Variants in DNAH11 observed in about 807,000 individuals in gnomAD.
DNAH11 encodes dynein axonemal heavy chain 11.
A neutral mutation model predicts 526.0 loss-of-function variants in DNAH11; 442 were observed. The observed-to-expected ratio is 0.84, with a 90% CI of 0.78 to 0.91. DNAH11 has a LOEUF of 0.91. Among genes scored for constraint, DNAH11 ranks in the 40% least tolerant of loss-of-function variants. The pLI is 0.00. For missense variants in DNAH11, 6,989 were observed against 5,448.7 expected (o/e 1.28, Z -8.90); for synonymous variants, 2,461 against 1,935.9 (o/e 1.27, Z -7.12).
chr7:21,698,431 CA>C (rs1452608350), intron 36 of DNAH11, among the ~76,000 whole-genome samples: 1 of 152,078 alleles, frequency 6.6e-6, no homozygotes, highest in East Asian at 1.9e-4. Context: ...GAGGAGTGTA[CA>C]CAGTACCCAG....
intron 56 of DNAH11, among the ~76,000 whole-genome samples, chr7:21,775,748 C>G (rs1173239393): frequency 1.3e-5 from 2 of 152,092 alleles, no homozygotes; most frequent in African/African-American, 4.8e-5. Context: ...AAATCAAGAC[C>G]CCTTTCCATA....
chr7:21,647,427 C>CTTTTT (rs71026810), intron 28 of DNAH11, among the ~76,000 whole-genome samples: 43 of 121,202 alleles, frequency 3.5e-4, no homozygotes, highest in African/African-American at 4.9e-4. Context: ...TTCTTTCTTT[C>CTTTTT]TTTTTTTTTT....
At chr7:21,701,139 C>T (rs1322245559) in intron 36 of DNAH11, among the ~76,000 whole-genome samples, 2 of 152,008 alleles carry the variant, frequency 1.3e-5, no homozygotes, top group African/African-American at 4.8e-5. Flanking sequence ...GGTTCTTTCC[C>T]CTCCCTTTCC....
rs77943705 is a variant in DNAH11 at position 21,637,502 on chromosome 7, G to T, written c.4726-109G>T. 2.1e-4 allele frequency: 164 copies of T among 768,402 alleles called. No homozygotes were observed. The African/African-American group carries it at 2.5e-3, about 12-fold the overall frequency. The allele number at this position is 768,402 out of a possible 1,614,324, so 47.6% of individuals were successfully genotyped here. A position where few individuals can be genotyped will look rare whatever the true frequency, so the allele number is the denominator to read the frequency against. Reference sequence around the variant, plus strand: ...GTCAGACATTCTTAGAAGTATCTTTGACCTTGCCTCTTCATTCTTTGTTCT... The same window carrying T: ...GTCAGACATTCTTAGAAGTATCTTTTACCTTGCCTCTTCATTCTTTGTTCT... On this transcript the variant is annotated intron_variant, in intron 26 of 81. Transcript: ENST00000409508.
At chr7:21,697,937 T>C (rs1037913368) in intron 35 of DNAH11, 138 bp from the exon 36 acceptor site, 29 of 855,996 alleles carry the variant, frequency 3.4e-5, no homozygotes, top group Admixed American at 9.7e-5. Flanking sequence ...AAGGGTCTTA[T>C]TAGCTGTGAT....
chr7:21,702,355 A>G lies in DNAH11; in HGVS notation c.6181-355A>G, dbSNP rs117253835. 2.4e-4 allele frequency among the ~76,000 whole-genome samples: 37 copies of G among 152,196 alleles called. No individual in the cohort carries two copies. In the East Asian group the frequency reaches 7.2e-3, roughly 29 times the overall value. On this transcript the variant is annotated intron_variant, in intron 36 of 81. Coordinates refer to ENST00000409508, the MANE Select transcript of DNAH11 (RefSeq NM_001277115.2). ...TTGATGAAACCAGCACAGGTGGAGAAATGTGCTTCTGGTTGGAGGTGAAAA... is the reference window on the plus strand; with the variant it reads ...TTGATGAAACCAGCACAGGTGGAGAGATGTGCTTCTGGTTGGAGGTGAAAA...
intron 25 of DNAH11, among the ~76,000 whole-genome samples, chr7:21,620,572 T>G (rs1785999791): frequency 6.6e-6 from 1 of 152,124 alleles, no homozygotes; most frequent in African/African-American, 2.4e-5. Context: ...TTTTTAAATT[T>G]TACTATTATA....
chr7:21,589,009 A>G (rs2128442914), intron 11 of DNAH11, among the ~76,000 whole-genome samples, 199 bp from the exon 12 acceptor site: 1 of 152,256 alleles, frequency 6.6e-6, no homozygotes, highest in Admixed American at 6.5e-5. Context: ...AACATTTAGT[A>G]AAATCTTGAG....
chr7:21,892,710 C>G (rs1784370075), intron 77 of DNAH11, 43 bp downstream of exon 77: 1 of 1,522,430 alleles, frequency 6.6e-7, no homozygotes. Flanking sequence ...TGAAGTATAA[C>G]TTACTTGTAC....
At chr7:21,616,426 T>A (rs184654585) in intron 22 of DNAH11, 134 bp downstream of exon 22, 12 of 647,380 alleles carry the variant, frequency 1.9e-5, no homozygotes, top group African/African-American at 1.7e-4. Flanking sequence ...GCAGACAGTG[T>A]TTTTTTCACC....
intron 30 of DNAH11, among the ~76,000 whole-genome samples, chr7:21,673,188 G>A (rs991539200): frequency 3.9e-5 from 6 of 152,070 alleles, no homozygotes; most frequent in Non-Finnish European, 8.8e-5. Context: ...GCTCTTGCCT[G>A]GTCTGATACC....
Position 21,601,477 on chromosome 7 carries a change from A to G in DNAH11, c.3507A>G (p.Leu1169=), listed in dbSNP as rs1785083752. The change falls in exon 18 of 82, where the codon TTA becomes TTG. Residue 1169 remains leucine (L), a synonymous_variant. Transcript: ENST00000409508. Reference sequence around the variant, plus strand: ...TAAATGAAGGTGATCATGATGGTTTAGTTGACATCATGGTGCATCTTCTGG... The same window carrying G: ...TAAATGAAGGTGATCATGATGGTTTGGTTGACATCATGGTGCATCTTCTGG... ...RELNEGDHDG[L]VDIMVHLLAV... 2 of 1,613,764 alleles carry G rather than the reference A, an allele frequency of 1.2e-6. No homozygotes were observed. The highest frequency in any genetic ancestry group is 8.5e-7 in the Non-Finnish European group (1 of 1,179,826).
At chr7:21,734,489 C>T (rs1205574310) in intron 45 of DNAH11, among the ~76,000 whole-genome samples, 1 of 152,172 alleles carries the variant, frequency 6.6e-6, no homozygotes, top group Non-Finnish European at 1.5e-5. Flanking sequence ...TTAGTAAGCC[C>T]TGAGTATCAC....
chr7:21,821,798 A>G (rs1380026117), intron 65 of DNAH11, among the ~76,000 whole-genome samples: 1 of 152,050 alleles, frequency 6.6e-6, no homozygotes, highest in Admixed American at 6.6e-5. Context: ...GAATACTAGA[A>G]TTATTCCTTC....
chr7:21,623,567 A>G (rs1231728434), intron 25 of DNAH11, among the ~76,000 whole-genome samples: 2 of 152,080 alleles, frequency 1.3e-5, no homozygotes, highest in African/African-American at 2.4e-5. Flanking sequence ...AACCAACCCA[A>G]ATGTCCAACA....
intron 74 of DNAH11, among the ~76,000 whole-genome samples, chr7:21,877,764 A>C (rs906663169): frequency 2.0e-5 from 3 of 150,406 alleles, no homozygotes; most frequent in East Asian, 2.0e-4. Flanking sequence ...AGTCCCAGCT[A>C]CTCGGGAGGC....
At position 21,543,291 on chromosome 7, in the gene DNAH11, GC is replaced by G; in HGVS notation, c.50del (p.Pro17ArgfsTer5). On this transcript the variant is annotated frameshift_variant, in exon 1 of 82. Transcript: ENST00000409508. LOFTEE classifies it high-confidence loss of function. ...CCGGGAGGCGCGAGACTTCAGAGAA[GC>G]CCCGACCCTTCGCCTAACCTCGGGG... Reference protein sequence around the residue: ...AAREARDFREAPTLRLTSGAG... With the variant: ...AAREARDFREXPTLRLTSGAG... 1 of 1,547,828 alleles carries G rather than the reference GC, an allele frequency of 6.5e-7. No homozygotes were observed. Among genetic ancestry groups the G allele is most frequent in the South Asian group, 1.2e-5 (1 of 83,946 alleles).
chr7:21,710,481 A>G (rs75671516), intron 40 of DNAH11, 72 bp from the exon 41 acceptor site: 2 of 1,406,878 alleles, frequency 1.4e-6, no homozygotes, highest in African/African-American at 1.5e-5. Flanking sequence ...TTTAGTTAAT[A>G]AAAGAGCTTC....
chr7:21,827,811 G>A (rs143250454), intron 65 of DNAH11, among the ~76,000 whole-genome samples: 100 of 152,100 alleles, frequency 6.6e-4, no homozygotes, highest in African/African-American at 2.3e-3. Context: ...TGGAGTTGAC[G>A]CCATGCAATT....
Sources: allele counts gnomAD v4.1 joint callset (sites outside exome capture counted in the v4.1 genomes callset), GRCh38; gene constraint gnomAD v4.1.1; transcripts MANE v1.5; gene names NCBI Gene and HGNC (gene_info 2026-07-23, HGNC 2026-07-21).